The following ERCC6L2 variants were observed in gnomAD, a reference collection of about 807,000 sequenced individuals.
ERCC6L2 encodes the protein DNA excision repair protein ERCC-6-like 2.
ERCC6L2 carries 77 observed loss-of-function variants against 132.0 expected under a neutral mutation model. That is an observed-to-expected ratio of 0.58 (90% CI 0.49 to 0.71). The LOEUF (loss-of-function observed/expected upper bound fraction) is 0.71, where lower values mean the gene tolerates loss of function less well. ERCC6L2 is among the 30% of genes least tolerant of loss of function. ERCC6L2 has a pLI of 0.00. For synonymous variants in ERCC6L2, 583 were observed against 632.4 expected (o/e 0.92, Z 1.17); for missense variants, 1,542 against 1,837.6 (o/e 0.84, Z 2.94).
chr9:96,024,317 G>A (rs1377311196), intron 19 of ERCC6L2, among the ~76,000 whole-genome samples: 2 of 152,250 alleles, frequency 1.3e-5, no homozygotes, highest in Non-Finnish European at 2.9e-5. Flanking sequence ...GTAAAGAGCA[G>A]AGTGAATGAA....
intron 5 of ERCC6L2, 148 bp downstream of exon 5, chr9:95,915,977 G>C (rs1177005264): frequency 1.2e-5 from 10 of 839,550 alleles, no homozygotes; most frequent in Non-Finnish European, 1.8e-5. Context: ...ACACAGTAGA[G>C]AGTCCCATGA....
At chr9:95,954,758 T>A (rs1352165704) in intron 12 of ERCC6L2, 1 of 471,000 alleles carries the variant, frequency 2.1e-6, no homozygotes, top group African/African-American at 2.0e-5. Context: ...GAGAAAGGGA[T>A]GCTGAGCCCC....
rs566401088 is a variant in ERCC6L2 at position 96,029,600 on chromosome 9, C to CAAAACCACGCAAAGG, written c.*1504-9272_*1504-9258dup. ...TTTCCCCACTGAGGGATTCCTTTTG[C>CAAAACCACGCAAAGG]AAAACCACGCAAAGGAAACGTGTTG... On this transcript the variant is annotated intron_variant and NMD_transcript_variant, in intron 19 of 20. Coordinates refer to the ERCC6L2 transcript ENST00000670016. Among the ~76,000 whole-genome samples, 276 of 152,312 alleles carry CAAAACCACGCAAAGG rather than the reference C, an allele frequency of 1.8e-3. 1 individual carries two copies. The highest frequency in any genetic ancestry group is 6.0e-3 in the African/African-American group (248 of 41,566).
intron 11 of ERCC6L2, among the ~76,000 whole-genome samples, chr9:95,929,635 T>C (rs961701501): frequency 1.3e-4 from 20 of 152,218 alleles, no homozygotes; most frequent in Non-Finnish European, 2.8e-4. Context: ...TGAGCCAACA[T>C]TGTTGAGCAC....
chr9:95,954,679 G>A lies in ERCC6L2; in HGVS notation c.1848-1235G>A, dbSNP rs993964982. ...CCCATTCACCAAACAACTGGCTTAA[G>A]CATACATCCAAAGGACATTTTCTTA... On this transcript the variant is annotated intron_variant, in intron 12 of 18. Transcript: ENST00000653738. 6.8e-6 allele frequency: 3 copies of A among 440,930 alleles called. No individual in the cohort carries two copies. In the East Asian group the frequency reaches 2.1e-4, roughly 31 times the overall value. 27.3% of individuals were successfully genotyped at this position (440,930 alleles called of 1,614,324 possible).
At chr9:95,969,509 A>C (rs553896161) in intron 14 of ERCC6L2, among the ~76,000 whole-genome samples, 1 of 152,158 alleles carries the variant, frequency 6.6e-6, no homozygotes, top group Non-Finnish European at 1.5e-5. Flanking sequence ...GTAAAAGAGA[A>C]GAGTTAAGGA....
intron 6 of ERCC6L2, among the ~76,000 whole-genome samples, chr9:95,917,893 G>C (rs2132718964): frequency 6.6e-6 from 1 of 152,082 alleles, no homozygotes; most frequent in Admixed American, 6.5e-5. Flanking sequence ...TGAGTAATTG[G>C]TACTATGTTT....
intron 12 of ERCC6L2, among the ~76,000 whole-genome samples, chr9:95,945,268 GAA>G (rs1243325952): frequency 6.6e-6 from 1 of 152,222 alleles, no homozygotes; most frequent in Non-Finnish European, 1.5e-5. Context: ...GCTTTTGAAA[GAA>G]GAGAAATATG....
At chr9:95,924,676 AT>A in intron 9 of ERCC6L2, among the ~76,000 whole-genome samples, 1 of 152,050 alleles carries the variant, frequency 6.6e-6, no homozygotes, top group East Asian at 1.9e-4. Flanking sequence ...TGCATTTTAT[AT>A]TTTTTATATA....
chr9:95,880,762 T>C (rs569391402), intron 1 of ERCC6L2, 107 bp from the exon 2 acceptor site: 1 of 930,950 alleles, frequency 1.1e-6, no homozygotes, highest in African/African-American at 1.7e-5. Flanking sequence ...TCCAGTTTTT[T>C]GGAAAAGGCA....
chr9:95,900,132 T>G (rs1460212736), intron 3 of ERCC6L2, among the ~76,000 whole-genome samples: 1 of 152,146 alleles, frequency 6.6e-6, no homozygotes. Context: ...ACACCTGTAA[T>G]CCCAGCACTT....
chr9:95,916,359 C>CA lies in ERCC6L2; in HGVS notation c.1088dup (p.Met364AspfsTer19). 1 of 1,609,652 alleles carries CA rather than the reference C, an allele frequency of 6.2e-7. No individual in the cohort carries two copies. Among genetic ancestry groups the CA allele is most frequent in the South Asian group, 1.1e-5 (1 of 90,020 alleles). ...GCCGAAAGGCCATGCAAAGACTTGC[C>CA]AAAAAGATGTCTGGCTGGTTTCTCA... On this transcript the variant is annotated frameshift_variant, in exon 6 of 19. Transcript: ENST00000653738. LOFTEE classifies it high-confidence loss of function.
intron 4 of ERCC6L2, among the ~76,000 whole-genome samples, chr9:95,909,349 G>C (rs1052194241): frequency 6.6e-6 from 1 of 152,188 alleles, no homozygotes; most frequent in Non-Finnish European, 1.5e-5. Flanking sequence ...GCCATGGGCA[G>C]TAGTATACTG....
chr9:96,041,016 C>A (rs777067331), intron 20 of ERCC6L2, among the ~76,000 whole-genome samples: 11 of 152,280 alleles, frequency 7.2e-5, no homozygotes, highest in Non-Finnish European at 1.6e-4. Flanking sequence ...CCGCTGTAAA[C>A]AAGATAATCT....
At chr9:95,985,356 G>A (rs1041132546) in intron 17 of ERCC6L2, among the ~76,000 whole-genome samples, 3 of 152,154 alleles carry the variant, frequency 2.0e-5, no homozygotes, top group Admixed American at 6.5e-5. Flanking sequence ...GAAGTACTGC[G>A]TGAGGCCAGT....
chr9:95,942,573 G>A (rs970179228), intron 12 of ERCC6L2, among the ~76,000 whole-genome samples: 1 of 151,980 alleles, frequency 6.6e-6, no homozygotes, highest in African/African-American at 2.4e-5. Context: ...AGGGCTAATG[G>A]AAAAATGGAG....
chr9:95,972,571 AAAT>A lies in ERCC6L2; in HGVS notation c.2824_2826del (p.Asn942del), dbSNP rs1315239301. 1.2e-5 allele frequency: 15 copies of A among 1,289,574 alleles called. No homozygotes were observed. The Middle Eastern group carries it at 6.4e-4, about 55-fold the overall frequency. The allele number at this position is 1,289,574 out of a possible 1,614,324, so 79.9% of individuals were successfully genotyped here. On this transcript the variant is annotated inframe_deletion, in exon 16 of 19. Transcript: ENST00000653738. ...AAACAGAACACACTGTAAAAACAAG[AAAT>A]AATGATAATAGTCGAAACACTGATG...
chr9:95,922,782 A>G (rs991125427), intron 8 of ERCC6L2, among the ~76,000 whole-genome samples: 5 of 152,174 alleles, frequency 3.3e-5, no homozygotes, highest in South Asian at 2.1e-4. Flanking sequence ...AATAATTTGT[A>G]TATTAAATAT....
At chr9:95,981,501 T>C (rs758689729) in intron 17 of ERCC6L2, among the ~76,000 whole-genome samples, 8 of 152,218 alleles carry the variant, frequency 5.3e-5, no homozygotes, top group Non-Finnish European at 1.2e-4. Flanking sequence ...GTACAAATTA[T>C]GTAAAGTAAT....
Sources: allele counts gnomAD v4.1 joint callset (sites outside exome capture counted in the v4.1 genomes callset), GRCh38; gene constraint gnomAD v4.1.1; transcripts MANE v1.5; gene names NCBI Gene and HGNC (gene_info 2026-07-23, HGNC 2026-07-21).